TACC2: variants seen among roughly 807,000 people sequenced by gnomAD.
TACC2 encodes the protein transforming acidic coiled-coil containing protein 2, also known as transforming acidic coiled-coil-containing protein 2.
A neutral mutation model predicts 227.3 loss-of-function variants in TACC2; 137 were observed. The observed-to-expected ratio is 0.60, with a 90% CI of 0.52 to 0.69. The LOEUF (loss-of-function observed/expected upper bound fraction) is 0.69, where lower values mean the gene tolerates loss of function less well. Ranked by LOEUF, TACC2 falls within the 30% of genes least tolerant of loss-of-function variation. The pLI is 0.00. For missense variants in TACC2, 3,470 were observed against 3,694.4 expected, an observed-to-expected ratio of 0.94 and a Z score of 1.57; for synonymous variants, 1,523 against 1,487.5, an observed-to-expected ratio of 1.02 and a Z score of -0.55.
chr10:122,148,946 G>A (rs547747151), intron 7 of TACC2, among the ~76,000 whole-genome samples: 9 of 152,338 alleles, frequency 5.9e-5, no homozygotes, highest in Non-Finnish European at 1.2e-4. Context: ...CAGTCACCAC[G>A]CTTCTGATGG....
rs954250921 is a variant in TACC2 at position 122,205,418 on chromosome 10, T to C, written c.5972-4979T>C. Among the ~76,000 whole-genome samples the C allele has an allele frequency of 6.6e-6, 1 of 152,226 alleles. No individual in the cohort carries two copies. Among genetic ancestry groups the C allele is most frequent in the Non-Finnish European group, 1.5e-5 (1 of 68,036 alleles). Reference sequence around the variant, plus strand: ...AGGGTGGGCACCAAAGGACAGCCTCTGCCTGGTACTTCTGCAGCACTGATG... The same window carrying C: ...AGGGTGGGCACCAAAGGACAGCCTCCGCCTGGTACTTCTGCAGCACTGATG... On this transcript the variant is annotated intron_variant, in intron 8 of 22. Transcript: ENST00000369005. The surrounding 1 kb of genome is among the most constrained non-coding windows in gnomAD (Gnocchi z 4.5).
At chr10:122,068,937 A>T (rs2077702188) in intron 3 of TACC2, among the ~76,000 whole-genome samples, 1 of 141,530 alleles carries the variant, frequency 7.1e-6, no homozygotes, top group Admixed American at 7.3e-5. Context: ...TGACCTCGTG[A>T]TCCACCCGCC....
At chr10:122,107,368 C>T (rs1054264783) in intron 5 of TACC2, among the ~76,000 whole-genome samples, 3 of 152,106 alleles carry the variant, frequency 2.0e-5, no homozygotes, top group Non-Finnish European at 4.4e-5. Context: ...GCAGGTGGAT[C>T]ACTTGAGGTC....
chr10:122,207,667 T>A (rs992778873), intron 8 of TACC2, among the ~76,000 whole-genome samples: 1 of 152,256 alleles, frequency 6.6e-6, no homozygotes, highest in African/African-American at 2.4e-5. Context: ...TGGTTCATGA[T>A]GAGCTAATGA....
chr10:122,068,015 T>C (rs575576019), intron 3 of TACC2, among the ~76,000 whole-genome samples: 26 of 152,322 alleles, frequency 1.7e-4, no homozygotes, highest in African/African-American at 6.3e-4. Flanking sequence ...TGTTATTTCT[T>C]TCAGTCTTAA....
intron 5 of TACC2, among the ~76,000 whole-genome samples, chr10:122,107,876 A>ATTTTTT (rs1464725854): frequency 1.2e-5 from 1 of 85,590 alleles, no homozygotes; most frequent in Non-Finnish European, 2.3e-5. Flanking sequence ...ATATATATAT[A>ATTTTTT]TATATTTTTT....
At chr10:122,229,290 T>G (rs909130676) in intron 14 of TACC2, 56 bp from the exon 15 acceptor site, 1 of 1,603,308 alleles carries the variant, frequency 6.2e-7, no homozygotes, top group Non-Finnish European at 8.5e-7. Flanking sequence ...GGAATCAATA[T>G]CACTCTCTGT....
chr10:121,992,000 T>C (rs1220984679), intron 1 of TACC2, among the ~76,000 whole-genome samples: 1 of 152,150 alleles, frequency 6.6e-6, no homozygotes, highest in African/African-American at 2.4e-5. Context: ...TTCACTATCA[T>C]GAGAACAACA....
intron 5 of TACC2, among the ~76,000 whole-genome samples, chr10:122,109,779 T>C (rs899396920): frequency 4.6e-5 from 7 of 152,216 alleles, no homozygotes; most frequent in Non-Finnish European, 8.8e-5. Context: ...GTGTTATACA[T>C]AGGGTGCCTT....
intron 7 of TACC2, among the ~76,000 whole-genome samples, chr10:122,192,052 A>T (rs906605213): frequency 9.2e-5 from 14 of 152,210 alleles, no homozygotes; most frequent in African/African-American, 3.4e-4. Context: ...AGAGCTAATT[A>T]AAAAAGCTGC....
intron 2 of TACC2, among the ~76,000 whole-genome samples, chr10:122,041,151 GGTT>G (rs1466519275): frequency 6.6e-6 from 1 of 152,194 alleles, no homozygotes; most frequent in Non-Finnish European, 1.5e-5. Context: ...GGCGCTGTGT[GGTT>G]GTTACTTTGC....
intron 8 of TACC2, among the ~76,000 whole-genome samples, chr10:122,203,026 C>A (rs1391099420): frequency 6.6e-6 from 1 of 151,972 alleles, no homozygotes; most frequent in Admixed American, 6.6e-5. Context: ...TTTCTTAGTA[C>A]AGAACAAAAT....
At chr10:122,015,229 G>A (rs1956439688) in intron 1 of TACC2, among the ~76,000 whole-genome samples, 1 of 152,120 alleles carries the variant, frequency 6.6e-6, no homozygotes, top group Admixed American at 6.6e-5. Flanking sequence ...TGTTGGCCCG[G>A]CACGGTGGCT....
chr10:122,111,840 A>G (rs2138030017), intron 5 of TACC2, among the ~76,000 whole-genome samples: 1 of 152,220 alleles, frequency 6.6e-6, no homozygotes, highest in East Asian at 1.9e-4. Flanking sequence ...ATACATTTAA[A>G]CTAGCCTATT....
At chr10:122,178,846 C>T (rs1459401198) in intron 7 of TACC2, among the ~76,000 whole-genome samples, 1 of 152,198 alleles carries the variant, frequency 6.6e-6, no homozygotes, top group African/African-American at 2.4e-5. Context: ...GGCCACTGCA[C>T]TCCAGGCTGG....
intron 13 of TACC2, 120 bp from the exon 14 acceptor site, chr10:122,227,717 C>T: frequency 8.7e-7 from 1 of 1,148,732 alleles, no homozygotes; most frequent in Non-Finnish European, 1.2e-6. Context: ...GGAGACCTGG[C>T]TCATATCCCT....
intron 5 of TACC2, among the ~76,000 whole-genome samples, chr10:122,097,768 G>C (rs2081620221): frequency 6.6e-6 from 1 of 152,116 alleles, no homozygotes; most frequent in Non-Finnish European, 1.5e-5. Context: ...GGGTTACAGT[G>C]GGGAGAAGAT....
At chr10:122,162,902 C>G (rs1468365469) in intron 7 of TACC2, among the ~76,000 whole-genome samples, 2 of 152,048 alleles carry the variant, frequency 1.3e-5, no homozygotes, top group Non-Finnish European at 2.9e-5. Flanking sequence ...CAGCTGGCCG[C>G]GCCTCTGCTT....
intron 7 of TACC2, among the ~76,000 whole-genome samples, chr10:122,145,150 A>G (rs979722886): frequency 3.9e-5 from 6 of 152,230 alleles, no homozygotes; most frequent in African/African-American, 1.2e-4. Context: ...TAAATCCACA[A>G]TATGACCCAG....
Sources: allele counts gnomAD v4.1 joint callset (sites outside exome capture counted in the v4.1 genomes callset), GRCh38; gene constraint gnomAD v4.1.1; non-coding constraint Gnocchi (gnomAD v3.1); transcripts MANE v1.5; gene names NCBI Gene and HGNC (gene_info 2026-07-23, HGNC 2026-07-21).